LRP1B: variants seen among roughly 807,000 people sequenced by gnomAD.
LRP1B encodes the protein LDL receptor related protein 1B.
In LRP1B, 217 loss-of-function variants were observed where a neutral mutation model predicts 556.6. That is an observed-to-expected ratio of 0.39 (90% CI 0.35 to 0.44). The LOEUF is 0.44. LRP1B is among the 20% of genes least tolerant of loss of function. The pLI, the probability that LRP1B is intolerant of heterozygous loss-of-function variation, is 1.00. For synonymous variants in LRP1B, 2,047 were observed against 1,865.8 expected, an observed-to-expected ratio of 1.10 and a Z score of -2.50; for missense variants, 5,053 against 5,620.8, an observed-to-expected ratio of 0.90 and a Z score of 3.23.
intron 2 of LRP1B, among the ~76,000 whole-genome samples, chr2:141,501,530 T>C (rs895177642): frequency 2.0e-5 from 3 of 152,194 alleles, no homozygotes; most frequent in Admixed American, 1.3e-4. Context: ...TTTTAGACTT[T>C]GAAGTTAATT....
chr2:141,877,503 A>T (rs10192543), intron 1 of LRP1B, among the ~76,000 whole-genome samples: 24,109 of 152,006 alleles, frequency 0.16, 1,998 homozygotes, highest in South Asian at 0.19. Flanking sequence ...CTGCAGGCTG[A>T]CACAGAAAGT....
At chr2:141,913,073 T>G (rs1699945908) in intron 1 of LRP1B, among the ~76,000 whole-genome samples, 1 of 152,182 alleles carries the variant, frequency 6.6e-6, no homozygotes, top group Admixed American at 6.5e-5. Context: ...GAGGTAATGT[T>G]TTGCCTCCCC....
At chr2:140,789,882 G>A (rs1690052502) in intron 32 of LRP1B, among the ~76,000 whole-genome samples, 1 of 151,604 alleles carries the variant, frequency 6.6e-6, no homozygotes, top group Non-Finnish European at 1.5e-5. Context: ...CGCCCGCCTC[G>A]GCCTCCCAAA....
chr2:141,851,623 T>C (rs886148427), intron 1 of LRP1B, among the ~76,000 whole-genome samples: 6 of 151,928 alleles, frequency 3.9e-5, no homozygotes, highest in African/African-American at 1.2e-4. Flanking sequence ...AAACATCAGA[T>C]GGGCATTGAG....
chr2:141,270,239 A>G (rs545769934), intron 3 of LRP1B, among the ~76,000 whole-genome samples: 1 of 152,246 alleles, frequency 6.6e-6, no homozygotes, highest in East Asian at 1.9e-4. Flanking sequence ...ATCACTTCAC[A>G]CTCATTAAGA....
intron 1 of LRP1B, among the ~76,000 whole-genome samples, chr2:141,880,933 A>G (rs958850947): frequency 4.6e-5 from 7 of 152,104 alleles, no homozygotes; most frequent in Admixed American, 4.6e-4. Flanking sequence ...ATTTCAGAGC[A>G]AATAAAGCTT....
chr2:140,300,411 G>T (rs1398925459), intron 83 of LRP1B, among the ~76,000 whole-genome samples: 1 of 152,120 alleles, frequency 6.6e-6, no homozygotes, highest in Non-Finnish European at 1.5e-5. Context: ...TTCATTTACA[G>T]AGATTTTTAG....
At chr2:141,784,630 C>T (rs1378655574) in intron 2 of LRP1B, among the ~76,000 whole-genome samples, 1 of 151,870 alleles carries the variant, frequency 6.6e-6, no homozygotes, top group Non-Finnish European at 1.5e-5. Context: ...ATATGTTTTC[C>T]TTACCCCAGG....
intron 2 of LRP1B, among the ~76,000 whole-genome samples, chr2:141,549,994 C>T (rs1361297585): frequency 6.6e-6 from 1 of 151,964 alleles, no homozygotes; most frequent in Admixed American, 6.5e-5. Context: ...GACCCTGTCT[C>T]GGAAAAAGAA....
rs528554684 is a variant in LRP1B, at chr2:141,083,569, A to C, written c.1014-21296T>G. Among the ~76,000 whole-genome samples, 5 of 152,282 alleles carry C rather than the reference A, an allele frequency of 3.3e-5. No individual in the cohort carries two copies. The East Asian group carries it at 9.7e-4, about 29-fold the overall frequency. On this transcript the variant is annotated intron_variant, in intron 7 of 90. Transcript: ENST00000389484. ...AACTCATGTTAAAAACTTAATTACC[A>C]ATGTGGCGATGTTAAAAGGTGATGC...
At chr2:140,657,630 CAT>C (rs1013407311) in intron 41 of LRP1B, among the ~76,000 whole-genome samples, 87 of 137,618 alleles carry the variant, frequency 6.3e-4, no homozygotes, top group African/African-American at 2.1e-3. Flanking sequence ...TATATACATA[CAT>C]ATATATACAT....
At chr2:140,320,904 A>AC (rs1680081537) in intron 82 of LRP1B, among the ~76,000 whole-genome samples, 12 of 151,258 alleles carry the variant, frequency 7.9e-5, no homozygotes, top group African/African-American at 2.9e-4. Context: ...CACACACACA[A>AC]AATTATCCAG....
At position 141,187,845 on chromosome 2, in the gene LRP1B, T is replaced by TA. The variant is rs1045730007; in HGVS notation, c.1013+575dup. ...AAAGTAGCTTGCAAAATTGGGAAGT[T>TA]AAAAAAAAAAGAAGATGAATTCTGA... On this transcript the variant is annotated intron_variant, in intron 7 of 90. Coordinates refer to ENST00000389484, the MANE Select transcript of LRP1B (RefSeq NM_018557.3). Among the ~76,000 whole-genome samples, 455 of 147,394 alleles carry TA rather than the reference T, an allele frequency of 3.1e-3. 4 individuals are homozygous for TA. Among genetic ancestry groups the TA allele is most frequent in the African/African-American group, 0.01 (418 of 40,388 alleles).
intron 2 of LRP1B, among the ~76,000 whole-genome samples, chr2:141,663,410 TA>T (rs61206349): frequency 1.1e-4 from 17 of 148,156 alleles, no homozygotes; most frequent in East Asian, 9.9e-4. Flanking sequence ...GCTGGTTTTG[TA>T]AAAAAAAAAA....
chr2:140,809,048 A>G (rs1244465369), intron 32 of LRP1B, among the ~76,000 whole-genome samples: 1 of 151,838 alleles, frequency 6.6e-6, no homozygotes, highest in African/African-American at 2.4e-5. Context: ...CTTTTCTCTC[A>G]GTAACTCAAT....
At chr2:141,232,749 C>G (rs1271638574) in intron 5 of LRP1B, among the ~76,000 whole-genome samples, 4 of 152,164 alleles carry the variant, frequency 2.6e-5, no homozygotes, top group Non-Finnish European at 5.9e-5. Context: ...AAAGGACATA[C>G]TGGAGGAAGG....
At chr2:141,925,942 C>T (rs1044261757) in intron 1 of LRP1B, among the ~76,000 whole-genome samples, 1 of 151,998 alleles carries the variant, frequency 6.6e-6, no homozygotes, top group African/African-American at 2.4e-5. Flanking sequence ...TCTGATGGGA[C>T]AGTTGTGAAG....
At chr2:141,747,222 C>T (rs1693947942) in intron 2 of LRP1B, among the ~76,000 whole-genome samples, 1 of 152,152 alleles carries the variant, frequency 6.6e-6, no homozygotes, top group African/African-American at 2.4e-5. Context: ...AAACTACATC[C>T]TAAATCCAGA....
At chr2:142,059,701 T>A (rs13016007) in intron 1 of LRP1B, among the ~76,000 whole-genome samples, 15,619 of 152,136 alleles carry the variant, frequency 0.1, 902 homozygotes, top group Middle Eastern at 0.18. Flanking sequence ...CTTCTTTCTC[T>A]CCTTCCACAT....
Sources: gnomAD v4.1 joint callset for allele counts (sites outside exome capture counted in the v4.1 genomes callset) on GRCh38, gnomAD v4.1.1 for gene constraint, MANE v1.5 for transcripts, NCBI Gene and HGNC (gene_info 2026-07-23, HGNC 2026-07-21) for gene names.